Variants in GLRA2 observed in about 807,000 individuals in gnomAD.
GLRA2 encodes the protein glycine receptor alpha 2.
A neutral mutation model predicts 31.6 loss-of-function variants in GLRA2; 11 were observed. The observed-to-expected ratio is 0.35, with a 90% CI of 0.22 to 0.58. The LOEUF (loss-of-function observed/expected upper bound fraction) is 0.58. Among genes scored for constraint, GLRA2 ranks in the 20% least tolerant of loss-of-function variants. The probability of loss-of-function intolerance (pLI) is 0.84; values close to 1 mark genes in which losing one functional copy is unlikely to be tolerated. For synonymous variants in GLRA2, 132 were observed against 134.0 expected (o/e 0.99, Z 0.10); for missense variants, 212 against 351.8 (o/e 0.60, Z 3.18).
chrX:14,495,719 C>T, the GLRA2 span, among the ~76,000 whole-genome samples: 1 of 108,106 alleles, frequency 9.3e-6, no homozygotes, highest in Non-Finnish European at 1.9e-5. Flanking sequence ...TTATTTAATC[C>T]TCCCAACAAC....
chrX:14,662,257 C>A (rs1402693771), intron 7 of GLRA2, among the ~76,000 whole-genome samples: 1 of 111,376 alleles, frequency 9.0e-6, no homozygotes, highest in African/African-American at 3.3e-5. Context: ...AAAACACACA[C>A]ACACACACAC....
chrX:14,664,952 A>C (rs180712567), intron 7 of GLRA2, among the ~76,000 whole-genome samples: 1 of 111,577 alleles, frequency 9.0e-6, no homozygotes, highest in Non-Finnish European at 1.9e-5. Context: ...TGGTACTCAG[A>C]TATGGATCAG....
At chrX:14,644,451 T>C (rs2090808052) in intron 7 of GLRA2, among the ~76,000 whole-genome samples, 1 of 111,918 alleles carries the variant, frequency 8.9e-6, no homozygotes, top group Non-Finnish European at 1.9e-5. Flanking sequence ...TCAGAGACTA[T>C]GCTAAGCTTT....
At chrX:14,601,885 G>A (rs1044753519) in intron 4 of GLRA2, among the ~76,000 whole-genome samples, 38 of 111,474 alleles carry the variant, frequency 3.4e-4, no homozygotes, top group African/African-American at 9.8e-4. Flanking sequence ...GTGAGAATTC[G>A]AGGGGTCTTT....
chrX:14,553,092 G>A (rs2089588807), intron 2 of GLRA2, among the ~76,000 whole-genome samples: 1 of 111,668 alleles, frequency 9.0e-6, no homozygotes, highest in Non-Finnish European at 1.9e-5. Flanking sequence ...AGGGACAACC[G>A]TATTCGGCTT....
intron 2 of GLRA2, among the ~76,000 whole-genome samples, chrX:14,572,263 C>T (rs1289572055): frequency 8.9e-6 from 1 of 112,115 alleles, no homozygotes; most frequent in Non-Finnish European, 1.9e-5. Flanking sequence ...TACAAGACAA[C>T]CAATGTTTAA....
intron 4 of GLRA2, among the ~76,000 whole-genome samples, chrX:14,593,134 T>A (rs1327096722): frequency 8.9e-6 from 1 of 112,026 alleles, no homozygotes; most frequent in African/African-American, 3.2e-5. Flanking sequence ...ATGGCTCTTA[T>A]GAAACATATG....
chrX:14,682,479 C>A (rs2091224320), intron 7 of GLRA2, among the ~76,000 whole-genome samples: 1 of 111,205 alleles, frequency 9.0e-6, no homozygotes, highest in Non-Finnish European at 1.9e-5. Flanking sequence ...TTAACAAAAT[C>A]ACACCCTTCT....
intron 2 of GLRA2, among the ~76,000 whole-genome samples, chrX:14,541,237 C>A (rs779277677): frequency 2.7e-5 from 3 of 110,824 alleles, no homozygotes; most frequent in East Asian, 5.7e-4. Context: ...TCTGCATAGA[C>A]CTTGAGAAAG....
chrX:14,459,982 CATTCAGT>C, the GLRA2 span, among the ~76,000 whole-genome samples: 1 of 111,941 alleles, frequency 8.9e-6, no homozygotes, highest in African/African-American at 3.3e-5. Context: ...AGTTTTTGCC[CATTCAGT>C]ATGATATTGG....
intron 7 of GLRA2, among the ~76,000 whole-genome samples, chrX:14,652,010 C>G (rs2090895003): frequency 1.8e-5 from 2 of 111,090 alleles, no homozygotes; most frequent in African/African-American, 3.3e-5. Flanking sequence ...CTCTCCCTCC[C>G]CATATGAGCA....
intron 2 of GLRA2, among the ~76,000 whole-genome samples, chrX:14,558,073 T>C (rs1238915052): frequency 9.0e-6 from 1 of 111,693 alleles, no homozygotes; most frequent in East Asian, 2.8e-4. Flanking sequence ...TAGGATAAGA[T>C]GGGCATTATT....
chrX:14,539,748 A>G lies in GLRA2; in HGVS notation c.202+7376A>G, dbSNP rs1411388421. 8.0e-5 allele frequency among the ~76,000 whole-genome samples: 9 copies of G among 112,104 alleles called. No homozygotes were observed. The East Asian group carries it at 2.5e-3, about 31-fold the overall frequency. On this transcript the variant is annotated intron_variant, in intron 2 of 8. Transcript: ENST00000218075. ...TAAAAGTATGAAAAGTCCATAGGCA[A>G]TTATCATTTGAGAAAAGGCATCTTC...
intron 7 of GLRA2, among the ~76,000 whole-genome samples, chrX:14,630,000 A>G (rs1359382835): frequency 8.9e-6 from 1 of 111,802 alleles, no homozygotes; most frequent in African/African-American, 3.2e-5. Flanking sequence ...ATTTGAAAAA[A>G]TCTTCTGTAT....
chrX:14,684,252 T>C (rs7882833), intron 7 of GLRA2, among the ~76,000 whole-genome samples: 9,265 of 110,745 alleles, frequency 0.084, 520 homozygotes, highest in African/African-American at 0.19. Flanking sequence ...GGTAGGGTGA[T>C]GCCTCCAGCT....
At chrX:14,480,099 T>A in the GLRA2 span, among the ~76,000 whole-genome samples, 3 of 112,112 alleles carry the variant, frequency 2.7e-5, no homozygotes, top group African/African-American at 9.7e-5. Context: ...GTGGCTTTGA[T>A]TTACATTTCT....
the GLRA2 span, among the ~76,000 whole-genome samples, chrX:14,521,266 A>T: frequency 8.9e-6 from 1 of 112,168 alleles, no homozygotes; most frequent in African/African-American, 3.2e-5. Context: ...GAGTCAGTGG[A>T]GTGAGTGGGA....
At chrX:14,728,539 G>A (rs2091953640) in intron 8 of GLRA2, among the ~76,000 whole-genome samples, 1 of 112,148 alleles carries the variant, frequency 8.9e-6, no homozygotes, top group South Asian at 3.7e-4. Context: ...GGCGAAGGAT[G>A]ACATGGAATA....
rs181665411 is a variant in GLRA2, at chrX:14,655,691, G to C, written c.931-35019G>C. On this transcript the variant is annotated intron_variant, in intron 7 of 8. Coordinates refer to ENST00000218075, the MANE Select transcript of GLRA2 (RefSeq NM_002063.4). ...CCCAGAAGGATGTTTCTACAGCTTGGTACTTATTCTCAGCTCTTAGAATAT... is the reference window on the plus strand; with the variant it reads ...CCCAGAAGGATGTTTCTACAGCTTGCTACTTATTCTCAGCTCTTAGAATAT... Among the ~76,000 whole-genome samples, 29 of 111,185 alleles carry C rather than the reference G, an allele frequency of 2.6e-4. 1 individual carries two copies. The East Asian group carries it at 7.7e-3, about 29-fold the overall frequency.
Sources: gnomAD v4.1 joint callset for allele counts (sites outside exome capture counted in the v4.1 genomes callset) on GRCh38, gnomAD v4.1.1 for gene constraint, MANE v1.5 for transcripts, NCBI Gene and HGNC (gene_info 2026-07-23, HGNC 2026-07-21) for gene names.